The following ZNF486 variants were observed in gnomAD, a reference collection of about 807,000 sequenced individuals.
ZNF486 encodes zinc finger protein 486, also known as KRAB box only protein 2.
Under a neutral mutation model 12.8 loss-of-function variants are expected in ZNF486, and 12 were observed. The ratio of observed to expected loss-of-function variants is 0.94; its 90% CI spans 0.60 to 1.52. The LOEUF (loss-of-function observed/expected upper bound fraction) is 1.52. Among genes scored for constraint, ZNF486 ranks in the 40% most tolerant of loss-of-function variants. The pLI is 0.00. For synonymous variants in ZNF486, 231 were observed against 184.9 expected, an observed-to-expected ratio of 1.25 and a Z score of -2.02; for missense variants, 738 against 545.0, an observed-to-expected ratio of 1.35 and a Z score of -3.53.
chr19:20,176,199 C>T lies in ZNF486; in HGVS notation c.31-8157C>T, dbSNP rs549341627. 5.2e-5 allele frequency: 9 copies of T among 173,742 alleles called. No individual in the cohort carries two copies. The South Asian group carries it at 7.8e-4, about 15-fold the overall frequency. 10.8% of individuals were successfully genotyped at this position (173,742 alleles called of 1,614,324 possible). ...TCATATCCCAGACGGGGCAGCGGGGCAGAGGCGCTCCCCACATCTCATACG... is the reference window on the plus strand; with the variant it reads ...TCATATCCCAGACGGGGCAGCGGGGTAGAGGCGCTCCCCACATCTCATACG... On this transcript the variant is annotated intron_variant, in intron 1 of 3. Transcript: ENST00000335117.
At chr19:20,172,722 C>T (rs560928077) in intron 1 of ZNF486, among the ~76,000 whole-genome samples, 5 of 151,702 alleles carry the variant, frequency 3.3e-5, no homozygotes, top group Non-Finnish European at 7.4e-5. Context: ...TCACTGCAAC[C>T]TCTGCCTCCT....
rs901380022 is a variant in ZNF486 at position 20,200,437 on chromosome 19, A to T, written c.*2335A>T. 1 of 152,130 alleles carries T rather than the reference A, an allele frequency of 6.6e-6. No homozygotes were observed. The highest frequency in any genetic ancestry group is 1.5e-5 in the Non-Finnish European group (1 of 68,032). 9.4% of individuals were successfully genotyped at this position (152,130 alleles called of 1,614,324 possible). ...TAAAAGTATATTAAACTAAATTCGT[A>T]TATTTTACTTATTGTACTTTTATGT... On this transcript the variant is annotated 3_prime_UTR_variant, in exon 4 of 4. Coordinates refer to ENST00000335117, the MANE Select transcript of ZNF486 (RefSeq NM_052852.4).
Position 20,198,029 on chromosome 19 carries a change from G to A in ZNF486, c.1319G>A (p.Gly440Asp). ...GEKPYKCKEC[G>D]KAFNWSSDLN... ...AAACCTTACAAATGTAAAGAATGTG[G>A]CAAAGCTTTTAACTGGTCCTCAGAC... Residue 440 changes from glycine to aspartate, a missense_variant, in exon 4 of 4, where the codon GGC (glycine) becomes GAC (aspartate). Coordinates refer to ENST00000335117, the MANE Select transcript of ZNF486 (RefSeq NM_052852.4). The A allele has an allele frequency of 6.2e-7, 1 of 1,612,820 alleles. No homozygotes were observed. Among genetic ancestry groups the A allele is most frequent in the Non-Finnish European group, 8.5e-7 (1 of 1,179,296 alleles).
At chr19:20,170,263 AAAT>A (rs1327295455) in intron 1 of ZNF486, among the ~76,000 whole-genome samples, 3 of 151,528 alleles carry the variant, frequency 2.0e-5, no homozygotes, top group African/African-American at 7.3e-5. Flanking sequence ...GGAGGGAGAT[AAAT>A]AAAGTTTGAT....
intron 1 of ZNF486, among the ~76,000 whole-genome samples, chr19:20,181,515 G>A (rs1330873741): frequency 6.7e-6 from 1 of 150,174 alleles, no homozygotes; most frequent in South Asian, 2.1e-4. Context: ...CTCCAGCCTG[G>A]GTGGCAGCGA....
chr19:20,168,408 A>G (rs1415733882), intron 1 of ZNF486, among the ~76,000 whole-genome samples: 3 of 152,178 alleles, frequency 2.0e-5, no homozygotes, highest in Admixed American at 6.5e-5. Context: ...TAATCCCAGC[A>G]CTTTGGGAGG....
intron 1 of ZNF486, among the ~76,000 whole-genome samples, chr19:20,183,768 T>C (rs1047031381): frequency 6.6e-5 from 10 of 152,176 alleles, no homozygotes; most frequent in South Asian, 4.1e-4. Context: ...TTAAACATAT[T>C]TTTCTTAGGG....
intron 1 of ZNF486, among the ~76,000 whole-genome samples, chr19:20,169,120 T>C (rs1192149433): frequency 2.0e-5 from 3 of 151,908 alleles, no homozygotes; most frequent in South Asian, 4.2e-4. Context: ...GTTACTACAT[T>C]TTTTTTATTT....
At chr19:20,175,192 T>C (rs1442274294) in intron 1 of ZNF486, 4 of 152,166 alleles carry the variant, frequency 2.6e-5, no homozygotes, top group African/African-American at 7.2e-5. Flanking sequence ...GCGCTTTGGG[T>C]GTTTAGAGAG....
At chr19:20,191,200 G>A (rs2089898283) in intron 3 of ZNF486, among the ~76,000 whole-genome samples, 1 of 152,162 alleles carries the variant, frequency 6.6e-6, no homozygotes, top group South Asian at 2.1e-4. Flanking sequence ...GGCTGGGCAC[G>A]GTGGCTCATG....
chr19:20,182,216 TC>T (rs1555715690), intron 1 of ZNF486, among the ~76,000 whole-genome samples: 1 of 152,176 alleles, frequency 6.6e-6, no homozygotes, highest in Non-Finnish European at 1.5e-5. Flanking sequence ...GGAAGCAACT[TC>T]AGCATTGACA....
chr19:20,167,239 G>C lies in ZNF486; in HGVS notation c.-92G>C. On this transcript the variant is annotated 5_prime_UTR_variant, in exon 1 of 4. Coordinates refer to ENST00000335117, the MANE Select transcript of ZNF486 (RefSeq NM_052852.4). Reference sequence around the variant, plus strand: ...GTCTCTCGCTGCATCTGGAGCTCTAGGTCGCCTCTTCGCTACTCTGTGTCC... The same window carrying C: ...GTCTCTCGCTGCATCTGGAGCTCTACGTCGCCTCTTCGCTACTCTGTGTCC... The C allele has an allele frequency of 6.6e-7, 1 of 1,513,750 alleles. No homozygotes were observed. The highest frequency in any genetic ancestry group is 9.2e-7 in the Non-Finnish European group (1 of 1,089,474). The allele number at this position is 1,513,750 out of a possible 1,614,324, so 93.8% of individuals were successfully genotyped here. A position where few individuals can be genotyped will look rare whatever the true frequency, so the allele number is the denominator to read the frequency against.
chr19:20,191,613 TA>T (rs1362534390), intron 3 of ZNF486, among the ~76,000 whole-genome samples: 3 of 146,214 alleles, frequency 2.1e-5, no homozygotes, highest in African/African-American at 7.6e-5. Context: ...ATTAAAAATA[TA>T]AAAAAATTAG....
At chr19:20,188,612 A>G in intron 3 of ZNF486, 1 of 396,496 alleles carries the variant, frequency 2.5e-6, no homozygotes. Context: ...GTGCCACTAC[A>G]CTCCAGCTTG....
At position 20,181,617 on chromosome 19, in the gene ZNF486, T is replaced by G. The variant is rs539086966; in HGVS notation, c.31-2739T>G. On this transcript the variant is annotated intron_variant, in intron 1 of 3. Transcript: ENST00000335117. ...TTTAAATTTTCTGTTAAAGCCAGTG[T>G]TTGCAGAGACATTCTATTTAGCAAC... 1.1e-4 allele frequency among the ~76,000 whole-genome samples: 16 copies of G among 152,242 alleles called. No individual in the cohort carries two copies. In the East Asian group the frequency reaches 2.9e-3, roughly 28 times the overall value.
At chr19:20,190,052 A>G (rs1555716978) in intron 3 of ZNF486, among the ~76,000 whole-genome samples, 2 of 152,118 alleles carry the variant, frequency 1.3e-5, no homozygotes, top group African/African-American at 4.8e-5. Flanking sequence ...TTTTTTGAAG[A>G]TATTACTTTT....
At chr19:20,179,403 A>G (rs1369389144) in intron 1 of ZNF486, among the ~76,000 whole-genome samples, 6 of 151,104 alleles carry the variant, frequency 4.0e-5, no homozygotes, top group African/African-American at 1.5e-4. Flanking sequence ...ATTCCAGGCA[A>G]CTTGAATCTT....
chr19:20,168,838 G>A (rs1466151297), intron 1 of ZNF486, among the ~76,000 whole-genome samples: 1 of 151,770 alleles, frequency 6.6e-6, no homozygotes, highest in Non-Finnish European at 1.5e-5. Context: ...AAAGGAGGGG[G>A]TTAAAAAAAA....
intron 2 of ZNF486, 97 bp from the exon 3 acceptor site, chr19:20,185,890 C>T: frequency 1.7e-6 from 1 of 589,154 alleles, no homozygotes; most frequent in Non-Finnish European, 2.6e-6. Flanking sequence ...TATTAATTTA[C>T]TAGAATATTT....
Sources: gnomAD v4.1 joint callset for allele counts (sites outside exome capture counted in the v4.1 genomes callset) on GRCh38, gnomAD v4.1.1 for gene constraint, MANE v1.5 for transcripts, NCBI Gene and HGNC (gene_info 2026-07-23, HGNC 2026-07-21) for gene names.